KPNA6: variants seen among roughly 807,000 people sequenced by gnomAD.
The protein encoded by KPNA6 is importin subunit alpha-7.
KPNA6 carries 9 observed loss-of-function variants against 72.0 expected under a neutral mutation model. The observed-to-expected ratio is 0.13, with a 90% CI of 0.08 to 0.22. The LOEUF is 0.22. Ranked by LOEUF, KPNA6 falls within the 10% of genes least tolerant of loss-of-function variation. The pLI is 1.00. For missense variants in KPNA6, 374 were observed against 655.7 expected (o/e 0.57, Z 4.69); for synonymous variants, 219 against 242.1 (o/e 0.90, Z 0.89).
At chr1:32,124,975 G>A (rs1641507519) in intron 1 of KPNA6, among the ~76,000 whole-genome samples, 1 of 152,026 alleles carries the variant, frequency 6.6e-6, no homozygotes. Flanking sequence ...CTCCTGAGTA[G>A]CCGGGACTAC....
intron 1 of KPNA6, among the ~76,000 whole-genome samples, chr1:32,131,973 A>G (rs371492452): frequency 2.0e-5 from 3 of 150,846 alleles, no homozygotes; most frequent in Non-Finnish European, 4.4e-5. Context: ...TTATTTATTT[A>G]TTTTTTATTT....
At chr1:32,164,208 T>C (rs1642290815) in intron 10 of KPNA6, among the ~76,000 whole-genome samples, 1 of 152,226 alleles carries the variant, frequency 6.6e-6, no homozygotes, top group African/African-American at 2.4e-5. Context: ...TCTTTAAAAT[T>C]CGTTCATGTT....
chr1:32,157,863 T>C (rs886836775), intron 4 of KPNA6, among the ~76,000 whole-genome samples: 14 of 152,142 alleles, frequency 9.2e-5, no homozygotes, highest in African/African-American at 3.1e-4. Context: ...ACACCATAGG[T>C]ACTTAATAAA....
intron 1 of KPNA6, among the ~76,000 whole-genome samples, chr1:32,131,663 C>T (rs951382598): frequency 6.6e-6 from 1 of 150,640 alleles, no homozygotes; most frequent in Non-Finnish European, 1.5e-5. Context: ...TATACACACA[C>T]AACAAAGGAG....
At chr1:32,129,053 A>G (rs926706202) in intron 1 of KPNA6, among the ~76,000 whole-genome samples, 151 of 152,004 alleles carry the variant, frequency 9.9e-4, no homozygotes, top group Non-Finnish European at 1.2e-3. Flanking sequence ...CACCACTTCC[A>G]ATGTGCCTGT....
In KPNA6 at chr1:32,172,449, T is replaced by C. The variant is rs1642454904; in HGVS notation, c.*1555T>C. ...CATTGTCCACATAACTGATCACCCA[T>C]GGCTGCCTCTCCTATTATCTATTAT... On this transcript the variant is annotated 3_prime_UTR_variant, in exon 14 of 14. Transcript: ENST00000373625. The C allele has an allele frequency of 6.6e-6, 1 of 151,572 alleles. No homozygotes were observed. The highest frequency in any genetic ancestry group is 1.5e-5 in the Non-Finnish European group (1 of 67,900). The allele number at this position is 151,572 out of a possible 1,614,324, so 9.4% of individuals were successfully genotyped here. A position where few individuals can be genotyped will look rare whatever the true frequency, so the allele number is the denominator to read the frequency against.
intron 11 of KPNA6, among the ~76,000 whole-genome samples, chr1:32,166,733 T>A (rs1466582092): frequency 1.4e-5 from 2 of 147,538 alleles, no homozygotes; most frequent in South Asian, 4.3e-4. Flanking sequence ...ATCAAGACCA[T>A]CCTGGCTAAC....
Position 32,167,157 on chromosome 1 carries a change from A to G in KPNA6, c.1117-12A>G. The G allele has an allele frequency of 1.9e-6, 3 of 1,612,592 alleles. No individual in the cohort carries two copies. Among genetic ancestry groups the G allele is most frequent in the South Asian group, 1.1e-5 (1 of 91,010 alleles). On this transcript the variant is annotated splice_polypyrimidine_tract_variant and intron_variant, in intron 11 of 13. Transcript: ENST00000373625. ...TTCTCCTTCCATCTGCCTCCTCTCA[A>G]TTCTCTCTCAGGCTGTTATAGATGC...
intron 1 of KPNA6, among the ~76,000 whole-genome samples, chr1:32,117,375 T>C (rs1391679850): frequency 2.0e-5 from 3 of 151,944 alleles, no homozygotes; most frequent in Non-Finnish European, 4.4e-5. Flanking sequence ...GGTTTTACCA[T>C]CTTGGCCAGG....
At chr1:32,167,469 T>C (rs561673263) in intron 12 of KPNA6, among the ~76,000 whole-genome samples, 173 bp downstream of exon 12, 1 of 151,980 alleles carries the variant, frequency 6.6e-6, no homozygotes, top group Admixed American at 6.6e-5. Context: ...TGGAATAGAT[T>C]CCATGTAAGC....
At position 32,159,253 on chromosome 1, in the gene KPNA6, G is replaced by A. The variant is rs188396496; in HGVS notation, c.427-147G>A. The A allele has an allele frequency of 2.6e-3, 1,940 of 744,836 alleles. 5 individuals are homozygous for A. The highest frequency in any genetic ancestry group is 3.7e-3 in the Non-Finnish European group (1,717 of 458,698). The allele number at this position is 744,836 out of a possible 1,614,324, so 46.1% of individuals were successfully genotyped here. Reference sequence around the variant, plus strand: ...TTTTATGTGTGTGTGTTTTAAATTCGTGGGCAAGAGGCTTGCTTGTGTTTT... The same window carrying A: ...TTTTATGTGTGTGTGTTTTAAATTCATGGGCAAGAGGCTTGCTTGTGTTTT... On this transcript the variant is annotated intron_variant, in intron 5 of 13. Coordinates refer to ENST00000373625, the MANE Select transcript of KPNA6 (RefSeq NM_012316.5).
chr1:32,132,686 A>G (rs1423072447), intron 1 of KPNA6, among the ~76,000 whole-genome samples: 1 of 151,704 alleles, frequency 6.6e-6, no homozygotes, highest in African/African-American at 2.4e-5. Flanking sequence ...GGCAGATCAC[A>G]AGGTCAGGAG....
Position 32,170,976 on chromosome 1 carries a change from G to T in KPNA6, c.*82G>T. ...GCCCTCTGGTGGGCGGGAAACCAGT[G>T]TCCCCACCATCAGCCACCACACACC... On this transcript the variant is annotated 3_prime_UTR_variant, in exon 14 of 14. Coordinates refer to ENST00000373625, the MANE Select transcript of KPNA6 (RefSeq NM_012316.5). The T allele has an allele frequency of 7.9e-7, 1 of 1,266,676 alleles. No homozygotes were observed. Among genetic ancestry groups the T allele is most frequent in the Non-Finnish European group, 1.1e-6 (1 of 882,588 alleles). 78.5% of individuals were successfully genotyped at this position (1,266,676 alleles called of 1,614,324 possible).
intron 1 of KPNA6, among the ~76,000 whole-genome samples, chr1:32,122,929 C>T (rs918427872): frequency 6.7e-6 from 1 of 149,648 alleles, no homozygotes; most frequent in East Asian, 2.0e-4. Context: ...TGCACTCCAG[C>T]CTGGGCAACA....
intron 9 of KPNA6, 108 bp downstream of exon 9, chr1:32,162,632 C>T (rs1642259354): frequency 4.3e-6 from 5 of 1,156,484 alleles, no homozygotes; most frequent in Admixed American, 1.9e-5. Context: ...GTCAGGAGTT[C>T]GAGACCAGCC....
intron 1 of KPNA6, among the ~76,000 whole-genome samples, chr1:32,137,848 A>G (rs533298507): frequency 2.3e-4 from 35 of 152,278 alleles, no homozygotes; most frequent in Non-Finnish European, 1.9e-4. Context: ...GAAATAGGGA[A>G]GATAGGCCAG....
intron 6 of KPNA6, among the ~76,000 whole-genome samples, chr1:32,160,299 CAAAA>C (rs535456428): frequency 1.2e-4 from 9 of 77,360 alleles, no homozygotes; most frequent in Admixed American, 3.8e-4. Flanking sequence ...GACTCCGTCT[CAAAA>C]AAAAAAAAAA....
At chr1:32,133,653 C>T (rs1360631203) in intron 1 of KPNA6, among the ~76,000 whole-genome samples, 1 of 152,060 alleles carries the variant, frequency 6.6e-6, no homozygotes, top group African/African-American at 2.4e-5. Flanking sequence ...TACTGCATTC[C>T]AGCCTGTATG....
chr1:32,149,714 T>C (rs1226414939), intron 1 of KPNA6, among the ~76,000 whole-genome samples: 1 of 152,188 alleles, frequency 6.6e-6, no homozygotes, highest in Non-Finnish European at 1.5e-5. Flanking sequence ...TCCTTCTACT[T>C]GAAGACTTTT....
Sources: gnomAD v4.1 joint callset for allele counts (sites outside exome capture counted in the v4.1 genomes callset) on GRCh38, gnomAD v4.1.1 for gene constraint, MANE v1.5 for transcripts, NCBI Gene and HGNC (gene_info 2026-07-23, HGNC 2026-07-21) for gene names.